ATP2A3: variants seen among roughly 807,000 people sequenced by gnomAD.
ATP2A3 encodes ATPase sarcoplasmic/endoplasmic reticulum Ca2+ transporting 3.
In ATP2A3, 61 loss-of-function variants were observed where a neutral mutation model predicts 106.8. The ratio of observed to expected loss-of-function variants is 0.57; its 90% CI spans 0.46 to 0.71. The LOEUF (loss-of-function observed/expected upper bound fraction) is 0.71, where lower values mean the gene tolerates loss of function less well. Among genes scored for constraint, ATP2A3 ranks in the 30% least tolerant of loss-of-function variants. The pLI is 0.00. For synonymous variants in ATP2A3, 611 were observed against 609.3 expected, an observed-to-expected ratio of 1.00 and a Z score of -0.04; for missense variants, 1,201 against 1,423.5, an observed-to-expected ratio of 0.84 and a Z score of 2.52.
intron 4 of ATP2A3, 40 bp downstream of exon 4, chr17:3,951,541 A>AG (rs2054432574): frequency 4.6e-6 from 7 of 1,506,500 alleles, no homozygotes; most frequent in African/African-American, 1.5e-5. Flanking sequence ...AGTGGCTGGG[A>AG]GACCGCCCCC....
chr17:3,944,268 G>A (rs2053956488), intron 10 of ATP2A3, among the ~76,000 whole-genome samples: 1 of 152,176 alleles, frequency 6.6e-6, no homozygotes, highest in Non-Finnish European at 1.5e-5. Context: ...CCTCAGCTTG[G>A]CCTCGGACTG....
rs570334858 is a variant in ATP2A3, at chr17:3,947,800, T to C, written c.686A>G (p.His229Arg). 1 of 1,600,490 alleles carries C rather than the reference T, an allele frequency of 6.2e-7. No individual in the cohort carries two copies. Among genetic ancestry groups the C allele is most frequent in the Admixed American group, 1.7e-5 (1 of 60,022 alleles). Residue 229 changes from histidine to arginine, a missense_variant, in exon 8 of 21, where the codon CAC (histidine) becomes CGC (arginine). His to Arg is a conservative substitution (Grantham distance 29). Around this residue, in one of 2 missense-constraint regions of ATP2A3, gnomAD observed 935 missense variants for 1,176.7 expected, o/e 0.79. Transcript: ENST00000397041. The surrounding 1 kb of genome is among the most constrained non-coding windows in gnomAD (Gnocchi z 7.7). ...AVGVAVATGL[H>R]TELGKIRSQM... The stretch of plus-strand genomic sequence containing the variant: ...GCTCCGGATCTTGCCCAGCTCCGTG[T>C]GCAGGCCGGTGGCCACGGCCACACC...
In ATP2A3 at chr17:3,942,175, G is replaced by C. The variant is rs1357244391; in HGVS notation, c.1545+431C>G. ...ACCTCAGACCTCACCCCGGGCCTAG[G>C]AACAGCCTCTAAAGCTCCTTCAGTG... On this transcript the variant is annotated intron_variant, in intron 12 of 20. Coordinates refer to ENST00000397041, the MANE Select transcript of ATP2A3 (RefSeq NM_005173.4). Among the ~76,000 whole-genome samples the C allele has an allele frequency of 2.0e-5, 3 of 152,170 alleles. No individual in the cohort carries two copies. In the South Asian group the frequency reaches 6.2e-4, roughly 31 times the overall value.
chr17:3,962,348 C>T (rs930157139), intron 1 of ATP2A3, among the ~76,000 whole-genome samples: 1 of 152,190 alleles, frequency 6.6e-6, no homozygotes, highest in African/African-American at 2.4e-5. Flanking sequence ...CAGTCCTTCC[C>T]TTATGGAGTT....
chr17:3,958,743 G>C (rs12452493), intron 1 of ATP2A3, among the ~76,000 whole-genome samples: 2,925 of 104,326 alleles, frequency 0.028, 272 homozygotes, highest in Admixed American at 0.15. Flanking sequence ...CATATATATA[G>C]ACACACATAT....
intron 1 of ATP2A3, among the ~76,000 whole-genome samples, chr17:3,962,570 C>G (rs184056526): frequency 6.6e-6 from 1 of 152,166 alleles, no homozygotes; most frequent in Non-Finnish European, 1.5e-5. Context: ...AAGCCCACAG[C>G]CTTCCCCATC....
chr17:3,952,176 C>T (rs1156759642), intron 3 of ATP2A3, among the ~76,000 whole-genome samples: 1 of 152,084 alleles, frequency 6.6e-6, no homozygotes, highest in Non-Finnish European at 1.5e-5. Flanking sequence ...CCTTTGCCTC[C>T]CAGGTTCAAG....
At chr17:3,964,117 T>C in intron 1 of ATP2A3, 57 bp downstream of exon 1, 1 of 979,754 alleles carries the variant, frequency 1.0e-6, no homozygotes, top group Non-Finnish European at 1.3e-6. Context: ...GAGGGGAAAC[T>C]GAGACTGCGG....
chr17:3,958,825 T>C (rs1597680928), intron 1 of ATP2A3, among the ~76,000 whole-genome samples: 2 of 138,296 alleles, frequency 1.4e-5, no homozygotes, highest in South Asian at 2.2e-4. Flanking sequence ...TATACACACA[T>C]ATATATACAC....
intron 16 of ATP2A3, 136 bp from the exon 17 acceptor site, chr17:3,935,413 C>A: frequency 1.3e-6 from 1 of 795,392 alleles, no homozygotes; most frequent in South Asian, 1.6e-5. Context: ...TTGCAGGCAC[C>A]TCCCCTCGAT....
In ATP2A3 at chr17:3,925,843, A is replaced by G. The variant is rs1044975157; in HGVS notation, c.2981-402T>C. The stretch of plus-strand genomic sequence containing the variant: ...CTCATCTCTCCCACTGCCTTCCCCA[A>G]CCAGGCCTCAAGGCCTCAAGGCCTG... On this transcript the variant is annotated intron_variant, in intron 20 of 20. Transcript: ENST00000397041. The surrounding 1 kb of genome is among the most constrained non-coding windows in gnomAD (Gnocchi z 4.2). 4.6e-5 allele frequency among the ~76,000 whole-genome samples: 7 copies of G among 151,016 alleles called. No homozygotes were observed. The highest frequency in any genetic ancestry group is 1.0e-4 in the Non-Finnish European group (7 of 67,778).
Position 3,953,702 on chromosome 17 carries a change from T to C in ATP2A3, c.127A>G (p.Ser43Gly). 6.4e-7 allele frequency: 1 copy of C among 1,568,858 alleles called. No homozygotes were observed. The highest frequency in any genetic ancestry group is 8.6e-7 in the Non-Finnish European group (1 of 1,156,944). Residue 43 changes from serine to glycine, a missense_variant, in exon 2 of 21, where the codon AGT becomes GGT. Transcript: ENST00000397041. The surrounding 1 kb of genome is among the most constrained non-coding windows in gnomAD (Gnocchi z 5.1). Reference sequence around the variant, plus strand: ...CCGGTGCCAGCCTCACCTTCCTCACTCGGGAGCTCTGCAGGATCCAGGCAG... The same window carrying C: ...CCGGTGCCAGCCTCACCTTCCTCACCCGGGAGCTCTGCAGGATCCAGGCAG... Reference protein sequence around the residue: ...RERYGPNELPSEEGKSLWELV... With the variant: ...RERYGPNELPGEEGKSLWELV...
At chr17:3,932,471 C>A (rs1476615155) in intron 17 of ATP2A3, among the ~76,000 whole-genome samples, 1 of 150,876 alleles carries the variant, frequency 6.6e-6, no homozygotes, top group African/African-American at 2.4e-5. Flanking sequence ...CAAGGTCTCA[C>A]TCCCATCACC....
chr17:3,939,086 G>A (rs2053600053), intron 14 of ATP2A3, among the ~76,000 whole-genome samples: 1 of 152,078 alleles, frequency 6.6e-6, no homozygotes. Flanking sequence ...AGGATCTCTT[G>A]AGCCCGAGAG....
At position 3,951,204 on chromosome 17, in the gene ATP2A3, T is replaced by TA. The variant is rs1217880827; in HGVS notation, c.463+46dup. 16 of 1,232,940 alleles carry TA rather than the reference T, an allele frequency of 1.3e-5. No individual in the cohort carries two copies. In the African/African-American group the frequency reaches 2.4e-4, roughly 18 times the overall value. 76.4% of individuals were successfully genotyped at this position (1,232,940 alleles called of 1,614,324 possible). On this transcript the variant is annotated intron_variant, in intron 5 of 20. Transcript: ENST00000397041. ...TAAATAAATAAATAAATAAAATAAA[T>TA]AAATAAATAAAATAAAATAAAATAA...
chr17:3,952,145 C>T (rs1022197251), intron 3 of ATP2A3, among the ~76,000 whole-genome samples: 8 of 151,970 alleles, frequency 5.3e-5, no homozygotes, highest in Non-Finnish European at 1.2e-4. Context: ...AGTGCGGTGG[C>T]TGGATCTTGG....
intron 1 of ATP2A3, among the ~76,000 whole-genome samples, chr17:3,961,200 C>A (rs1332143946): frequency 1.3e-5 from 2 of 152,204 alleles, no homozygotes; most frequent in Non-Finnish European, 2.9e-5. Flanking sequence ...GAATGGGTGG[C>A]TGGGGACGGG....
In ATP2A3 at chr17:3,929,494, TGC is replaced by T; in HGVS notation, c.2745-51_2745-50del. 1 of 1,483,558 alleles carries T rather than the reference TGC, an allele frequency of 6.7e-7. No homozygotes were observed. The highest frequency in any genetic ancestry group is 1.2e-5 in the South Asian group (1 of 83,364). The allele number at this position is 1,483,558 out of a possible 1,614,324, so 91.9% of individuals were successfully genotyped here. A position where few individuals can be genotyped will look rare whatever the true frequency, so the allele number is the denominator to read the frequency against. On this transcript the variant is annotated intron_variant, in intron 18 of 20. Coordinates refer to ENST00000397041, the MANE Select transcript of ATP2A3 (RefSeq NM_005173.4). This position sits in a 1 kb window ranked among gnomAD's most constrained non-coding sequence, Gnocchi z 4.3. Reference sequence around the variant, plus strand: ...CTTAGGCCGGGGTGCAGGGAGGCCCTGCCAGGCACCCACCCCCATGGGAGGAG... The same window carrying T: ...CTTAGGCCGGGGTGCAGGGAGGCCCTCAGGCACCCACCCCCATGGGAGGAG...
chr17:3,926,937 C>T lies in ATP2A3; in HGVS notation c.2981-1496G>A, dbSNP rs1157847656. On this transcript the variant is annotated intron_variant, in intron 20 of 20. Coordinates refer to ENST00000397041, the MANE Select transcript of ATP2A3 (RefSeq NM_005173.4). The surrounding 1 kb of genome is among the most constrained non-coding windows in gnomAD (Gnocchi z 4.6). ...GTCCGCACCGTGCTTACACTCCTCC[C>T]GTGCTTCCCCACTGCCCTGAGGACA... 9.1e-6 allele frequency: 9 copies of T among 985,350 alleles called. No homozygotes were observed. The highest frequency in any genetic ancestry group is 4.7e-5 in the South Asian group (1 of 21,294). 61.0% of individuals were successfully genotyped at this position (985,350 alleles called of 1,614,324 possible).
Sources: gnomAD v4.1 joint callset for allele counts (sites outside exome capture counted in the v4.1 genomes callset) on GRCh38, gnomAD v4.1.1 for gene constraint, gnomAD v4.1.1 regional missense constraint, Gnocchi (gnomAD v3.1) non-coding constraint, MANE v1.5 for transcripts, NCBI Gene and HGNC (gene_info 2026-07-23, HGNC 2026-07-21) for gene names.